The following CDH12 variants were observed in gnomAD, a reference collection of about 807,000 sequenced individuals.
The protein encoded by CDH12 is cadherin-12.
A neutral mutation model predicts 74.1 loss-of-function variants in CDH12; 41 were observed. The ratio of observed to expected loss-of-function variants is 0.55; its 90% CI spans 0.43 to 0.72. The LOEUF (loss-of-function observed/expected upper bound fraction) is 0.72, where lower values mean the gene tolerates loss of function less well. CDH12 is among the 30% of genes least tolerant of loss of function. The pLI is 0.00. For synonymous variants in CDH12, 399 were observed against 355.0 expected, an observed-to-expected ratio of 1.12 and a Z score of -1.39; for missense variants, 945 against 977.2, an observed-to-expected ratio of 0.97 and a Z score of 0.44.
chr5:22,550,498 T>G (rs1037177535), intron 1 of CDH12, among the ~76,000 whole-genome samples: 4 of 152,192 alleles, frequency 2.6e-5, no homozygotes, highest in African/African-American at 9.7e-5. Flanking sequence ...AAGCTGTCAT[T>G]CTTAATTCCT....
At chr5:22,661,165 T>C (rs1351281466) in intron 1 of CDH12, among the ~76,000 whole-genome samples, 1 of 152,180 alleles carries the variant, frequency 6.6e-6, no homozygotes, top group Non-Finnish European at 1.5e-5. Context: ...GTACAATCAA[T>C]GAGAATACTT....
chr5:22,649,166 T>C (rs2126881167), intron 1 of CDH12, among the ~76,000 whole-genome samples: 1 of 152,116 alleles, frequency 6.6e-6, no homozygotes, highest in South Asian at 2.1e-4. Context: ...GTAATAAAAA[T>C]ATTATCTGCC....
intron 1 of CDH12, among the ~76,000 whole-genome samples, chr5:22,690,515 G>C (rs1254337018): frequency 1.3e-5 from 2 of 152,076 alleles, no homozygotes; most frequent in African/African-American, 4.8e-5. Flanking sequence ...ATCTTCTGGA[G>C]ATACAGATAA....
In CDH12 at chr5:22,152,534, T is replaced by C. The variant is rs550743129; in HGVS notation, c.-187+59964A>G. Among the ~76,000 whole-genome samples the C allele has an allele frequency of 1.8e-3, 275 of 152,294 alleles. No individual in the cohort carries two copies. In the Middle Eastern group the frequency reaches 0.02, roughly 11 times the overall value. On this transcript the variant is annotated intron_variant, in intron 4 of 14. Coordinates refer to ENST00000382254, the MANE Select transcript of CDH12 (RefSeq NM_004061.5). ...GATAAAATTTTATGTATTTACCACGTACAACATGAAATTTTGAAACATGTA... is the reference window on the plus strand; with the variant it reads ...GATAAAATTTTATGTATTTACCACGCACAACATGAAATTTTGAAACATGTA...
At chr5:22,519,568 C>T (rs772743730) in intron 1 of CDH12, among the ~76,000 whole-genome samples, 15 of 151,882 alleles carry the variant, frequency 9.9e-5, no homozygotes, top group South Asian at 4.1e-4. Context: ...GGACTACAGG[C>T]GCCCGTCACC....
intron 3 of CDH12, among the ~76,000 whole-genome samples, chr5:22,351,028 G>A (rs1363231269): frequency 2.0e-5 from 3 of 152,036 alleles, no homozygotes; most frequent in African/African-American, 7.2e-5. Context: ...TGGAATTCAG[G>A]CGGAGTCAAG....
intron 1 of CDH12, among the ~76,000 whole-genome samples, chr5:22,619,778 C>A (rs142559893): frequency 6.6e-6 from 1 of 151,686 alleles, no homozygotes; most frequent in Non-Finnish European, 1.5e-5. Flanking sequence ...CTTCCCCCAG[C>A]GAATGTGTAC....
chr5:22,199,209 C>T (rs527263404), intron 4 of CDH12, among the ~76,000 whole-genome samples: 56 of 152,202 alleles, frequency 3.7e-4, no homozygotes, highest in African/African-American at 1.3e-3. Flanking sequence ...ATAAGATCAC[C>T]AAACTTCTTG....
chr5:21,829,413 AATG>A, intron 8 of CDH12, among the ~76,000 whole-genome samples: 1 of 152,362 alleles, frequency 6.6e-6, no homozygotes, highest in African/African-American at 2.4e-5. Context: ...GCAAAATGAA[AATG>A]ATAATTTTTT....
intron 1 of CDH12, among the ~76,000 whole-genome samples, chr5:22,654,198 T>TTTTC (rs748236994): frequency 1.9e-4 from 28 of 150,314 alleles, no homozygotes; most frequent in African/African-American, 2.5e-4. Context: ...TCTTTCTTTC[T>TTTTC]TTTCTTTCTT....
intron 3 of CDH12, among the ~76,000 whole-genome samples, chr5:22,306,095 T>C (rs1738096519): frequency 6.6e-6 from 1 of 152,224 alleles, no homozygotes; most frequent in African/African-American, 2.4e-5. Context: ...CTTTATACTT[T>C]TGTTCAGGCT....
intron 1 of CDH12, among the ~76,000 whole-genome samples, chr5:22,520,563 G>T (rs1272812863): frequency 6.6e-6 from 1 of 152,014 alleles, no homozygotes; most frequent in Non-Finnish European, 1.5e-5. Context: ...ATCCAACCTG[G>T]CTTAAAATAC....
At chr5:22,059,360 T>C (rs1259560263) in intron 5 of CDH12, among the ~76,000 whole-genome samples, 34 of 121,422 alleles carry the variant, frequency 2.8e-4, no homozygotes, top group African/African-American at 8.7e-4. Context: ...TCTATCTATC[T>C]ATCTATCTAT....
chr5:21,762,191 A>C (rs1477148713), intron 12 of CDH12, among the ~76,000 whole-genome samples: 2 of 152,178 alleles, frequency 1.3e-5, no homozygotes, highest in Non-Finnish European at 2.9e-5. Flanking sequence ...TATCAAGAAC[A>C]TAACTAGAAT....
intron 1 of CDH12, among the ~76,000 whole-genome samples, chr5:22,758,597 T>C (rs1450267486): frequency 1.3e-5 from 2 of 151,984 alleles, no homozygotes; most frequent in Non-Finnish European, 2.9e-5. Flanking sequence ...AGCATAAAAA[T>C]AACAATTCTC....
chr5:22,607,488 G>A (rs371327342), intron 1 of CDH12, among the ~76,000 whole-genome samples: 2 of 152,156 alleles, frequency 1.3e-5, no homozygotes, highest in African/African-American at 4.8e-5. Context: ...AAGCAAAAGC[G>A]GAGACCCCTG....
intron 3 of CDH12, among the ~76,000 whole-genome samples, chr5:22,328,512 T>C (rs1739217042): frequency 6.6e-6 from 1 of 152,164 alleles, no homozygotes; most frequent in African/African-American, 2.4e-5. Flanking sequence ...TAAAATGGAA[T>C]ATTGATATGT....
chr5:22,290,695 A>G (rs927211159), intron 3 of CDH12, among the ~76,000 whole-genome samples: 10 of 152,184 alleles, frequency 6.6e-5, no homozygotes, highest in African/African-American at 1.7e-4. Flanking sequence ...GGGGTCATTA[A>G]AACTGATACT....
chr5:22,575,725 T>C (rs1561501824), intron 1 of CDH12, among the ~76,000 whole-genome samples: 1 of 151,952 alleles, frequency 6.6e-6, no homozygotes, highest in Non-Finnish European at 1.5e-5. Flanking sequence ...CCACCACTCC[T>C]TTCTAATTTT....
Sources: gnomAD v4.1 joint callset for allele counts (sites outside exome capture counted in the v4.1 genomes callset) on GRCh38, gnomAD v4.1.1 for gene constraint, MANE v1.5 for transcripts, NCBI Gene and HGNC (gene_info 2026-07-23, HGNC 2026-07-21) for gene names.